TGFB2: variants seen among roughly 807,000 people sequenced by gnomAD.
TGFB2 encodes the protein transforming growth factor beta 2.
Under a neutral mutation model 42.7 loss-of-function variants are expected in TGFB2, and 13 were observed. The observed-to-expected ratio is 0.30, with a 90% CI of 0.20 to 0.48. The LOEUF (loss-of-function observed/expected upper bound fraction) is 0.48. Among genes scored for constraint, TGFB2 ranks in the 20% least tolerant of loss-of-function variants. The pLI is 0.99. For missense variants in TGFB2, 390 were observed against 517.5 expected (o/e 0.75, Z 2.39); for synonymous variants, 193 against 193.6 (o/e 1.00, Z 0.03).
chr1:218,378,058 C>T (rs1171497382), intron 1 of TGFB2, among the ~76,000 whole-genome samples: 7 of 152,246 alleles, frequency 4.6e-5, no homozygotes, highest in Non-Finnish European at 8.8e-5. Context: ...TCACTGCAAC[C>T]GCCGCCTCCC....
chr1:218,403,943 G>A (rs964352882), intron 1 of TGFB2, among the ~76,000 whole-genome samples: 5 of 150,510 alleles, frequency 3.3e-5, no homozygotes, highest in African/African-American at 1.2e-4. Flanking sequence ...TCTGCACAGT[G>A]TAGATGCTTG....
chr1:218,380,077 C>G (rs1193268279), intron 1 of TGFB2, among the ~76,000 whole-genome samples: 2 of 152,106 alleles, frequency 1.3e-5, no homozygotes, highest in African/African-American at 4.8e-5. Flanking sequence ...GTGAGGAAAC[C>G]AAGGCAGAGA....
intron 1 of TGFB2, among the ~76,000 whole-genome samples, chr1:218,376,053 G>C (rs1210057561): frequency 6.6e-6 from 1 of 152,182 alleles, no homozygotes; most frequent in Non-Finnish European, 1.5e-5. Flanking sequence ...TGGGCCTAAA[G>C]TTTCAGTTGA....
At chr1:218,428,429 GT>G (rs1476203061) in intron 2 of TGFB2, among the ~76,000 whole-genome samples, 1 of 152,164 alleles carries the variant, frequency 6.6e-6, no homozygotes, top group African/African-American at 2.4e-5. Flanking sequence ...GTCCTGAATG[GT>G]ATTGCCTGGG....
intron 2 of TGFB2, among the ~76,000 whole-genome samples, chr1:218,424,569 T>C (rs1489808160): frequency 2.0e-5 from 3 of 152,190 alleles, no homozygotes; most frequent in African/African-American, 7.2e-5. Context: ...GCAATCTGTG[T>C]TAATGAGCAC....
chr1:218,374,650 C>T (rs1257271146), intron 1 of TGFB2, among the ~76,000 whole-genome samples: 3 of 152,312 alleles, frequency 2.0e-5, no homozygotes, highest in African/African-American at 4.8e-5. Context: ...CTCTAAGTAG[C>T]ATTCTTCATA....
chr1:218,440,511 A>G (rs577135715), intron 6 of TGFB2, among the ~76,000 whole-genome samples: 2 of 152,270 alleles, frequency 1.3e-5, no homozygotes, highest in South Asian at 2.1e-4. Context: ...TGATCCTTCA[A>G]AGTGTTGGGA....
chr1:218,399,241 A>G (rs1032090133), intron 1 of TGFB2, among the ~76,000 whole-genome samples: 1 of 152,206 alleles, frequency 6.6e-6, no homozygotes, highest in Non-Finnish European at 1.5e-5. Context: ...GAGAGTTCCT[A>G]TATACCCTTC....
chr1:218,437,885 C>A (rs1240685354), intron 6 of TGFB2, among the ~76,000 whole-genome samples: 1 of 151,916 alleles, frequency 6.6e-6, no homozygotes, highest in Non-Finnish European at 1.5e-5. Context: ...TAATGAGGTA[C>A]ATGTGATATT....
chr1:218,416,689 CT>C (rs2102607352), intron 2 of TGFB2, among the ~76,000 whole-genome samples: 1 of 152,292 alleles, frequency 6.6e-6, no homozygotes, highest in South Asian at 2.1e-4. Flanking sequence ...GTTGGTCCCC[CT>C]GTTTCCACCC....
At chr1:218,433,703 C>T (rs571081902) in intron 2 of TGFB2, among the ~76,000 whole-genome samples, 1 of 152,234 alleles carries the variant, frequency 6.6e-6, no homozygotes, top group Non-Finnish European at 1.5e-5. Context: ...TTCCTGTACC[C>T]CAACTCCCCA....
chr1:218,369,845 AC>A (rs1657516052), intron 1 of TGFB2, among the ~76,000 whole-genome samples: 1 of 152,236 alleles, frequency 6.6e-6, no homozygotes, highest in Non-Finnish European at 1.5e-5. Flanking sequence ...TTTTGCCTAA[AC>A]TTTGAAATGA....
chr1:218,380,844 A>G (rs979861905), intron 1 of TGFB2, among the ~76,000 whole-genome samples: 18 of 152,172 alleles, frequency 1.2e-4, no homozygotes, highest in Non-Finnish European at 2.4e-4. Flanking sequence ...AATCTAGGAA[A>G]AAATAACAGA....
intron 1 of TGFB2, among the ~76,000 whole-genome samples, chr1:218,382,604 G>A (rs944516834): frequency 2.0e-5 from 3 of 152,176 alleles, no homozygotes; most frequent in Admixed American, 1.3e-4. Flanking sequence ...TTTGTGGAAA[G>A]TGAGATTTTT....
chr1:218,428,853 T>A (rs1293096597), intron 2 of TGFB2, among the ~76,000 whole-genome samples: 1 of 152,176 alleles, frequency 6.6e-6, no homozygotes, highest in East Asian at 1.9e-4. Flanking sequence ...TTTAAAGTAG[T>A]TTTTTCCAAT....
chr1:218,397,902 C>T (rs1571868646), intron 1 of TGFB2, among the ~76,000 whole-genome samples: 2 of 152,194 alleles, frequency 1.3e-5, no homozygotes, highest in Admixed American at 1.3e-4. Context: ...CTACCAATTC[C>T]GTTCATACCC....
intron 1 of TGFB2, among the ~76,000 whole-genome samples, chr1:218,392,098 T>G (rs967980305): frequency 2.0e-5 from 3 of 152,082 alleles, no homozygotes; most frequent in Admixed American, 2.0e-4. Flanking sequence ...ACGCCTGTAA[T>G]CCCAGCACTT....
At chr1:218,427,122 A>G (rs1659649708) in intron 2 of TGFB2, among the ~76,000 whole-genome samples, 1 of 152,198 alleles carries the variant, frequency 6.6e-6, no homozygotes, top group Admixed American at 6.5e-5. Context: ...TATACATAAT[A>G]TAAACATTAC....
chr1:218,437,441 A>G lies in TGFB2; in HGVS notation c.1031A>G (p.Asn344Ser). The change falls in exon 6 of 7, where the codon AAC becomes AGC. Residue 344 changes from asparagine to serine, a missense_variant. By Grantham distance (46) the Asn-to-Ser change is conservative. Coordinates refer to ENST00000366930, the MANE Select transcript of TGFB2 (RefSeq NM_003238.6). ...CACGAACCCAAAGGGTACAATGCCA[A>G]CTTCTGTGCTGGAGCATGCCCGTAT... ...WIHEPKGYNA[N>S]FCAGACPYLW... 1 of 1,613,532 alleles carries G rather than the reference A, an allele frequency of 6.2e-7. No individual in the cohort carries two copies.
Sources: allele counts gnomAD v4.1 joint callset (sites outside exome capture counted in the v4.1 genomes callset), GRCh38; gene constraint gnomAD v4.1.1; transcripts MANE v1.5; gene names NCBI Gene and HGNC (gene_info 2026-07-23, HGNC 2026-07-21).